Variants in ZNRF1 observed in about 807,000 individuals in gnomAD.
ZNRF1 encodes E3 ubiquitin-protein ligase ZNRF1.
In ZNRF1, 3 loss-of-function variants were observed where a neutral mutation model predicts 18.4. That is an observed-to-expected ratio of 0.16 (90% CI 0.07 to 0.42). ZNRF1 has a LOEUF of 0.42. Ranked by LOEUF, ZNRF1 falls within the 10% of genes least tolerant of loss-of-function variation. The pLI is 0.99. For missense variants in ZNRF1, 310 were observed against 329.8 expected, an observed-to-expected ratio of 0.94 and a Z score of 0.47; for synonymous variants, 157 against 144.2, an observed-to-expected ratio of 1.09 and a Z score of -0.64.
intron 1 of ZNRF1, among the ~76,000 whole-genome samples, chr16:75,005,887 G>T (rs1031397749): frequency 6.6e-6 from 1 of 152,090 alleles, no homozygotes; most frequent in South Asian, 2.1e-4. Context: ...TTGTCACTGG[G>T]CAAACATCAT....
chr16:75,096,060 A>ATG (rs1567494278), intron 2 of ZNRF1, among the ~76,000 whole-genome samples: 1 of 86,054 alleles, frequency 1.2e-5, no homozygotes, highest in Admixed American at 1.2e-4. Flanking sequence ...GTATGTGTGC[A>ATG]CGTGTGTGTG....
chr16:75,029,770 GAACA>G lies in ZNRF1; in HGVS notation c.424+29686_424+29689del, dbSNP rs201518425. On this transcript the variant is annotated intron_variant, in intron 1 of 4. Transcript: ENST00000335325. ...GGTAACAGAGCGAGACTCCATCTCA[GAACA>G]AACAAACAAAAAATTTATTGAGGCT... 5.1e-3 allele frequency among the ~76,000 whole-genome samples: 758 copies of G among 149,484 alleles called. 17 individuals are homozygous for G. The highest frequency in any genetic ancestry group is 0.048 in the East Asian group (239 of 5,018).
rs1411466327 is a variant in ZNRF1 at position 75,109,973 on chromosome 16, C to T, written c.*2273C>T. 1 of 152,396 alleles carries T rather than the reference C, an allele frequency of 6.6e-6. No homozygotes were observed. Among genetic ancestry groups the T allele is most frequent in the Non-Finnish European group, 1.5e-5 (1 of 68,150 alleles). The allele number at this position is 152,396 out of a possible 1,614,324, so 9.4% of individuals were successfully genotyped here. A position where few individuals can be genotyped will look rare whatever the true frequency, so the allele number is the denominator to read the frequency against. On this transcript the variant is annotated 3_prime_UTR_variant, in exon 5 of 5. Coordinates refer to ENST00000335325, the MANE Select transcript of ZNRF1 (RefSeq NM_032268.5). ...CCTGAAGGAGATCTCCTTGCCTGAC[C>T]CCTGGACCTGGAAATGGAGGCTTCA...
chr16:75,085,223 A>G (rs560984602), intron 1 of ZNRF1, among the ~76,000 whole-genome samples: 33 of 152,224 alleles, frequency 2.2e-4, no homozygotes, highest in African/African-American at 6.7e-4. Context: ...CCTGGAGACA[A>G]CCACTGTTCT....
At chr16:75,057,181 G>A (rs536017227) in intron 1 of ZNRF1, among the ~76,000 whole-genome samples, 2 of 152,148 alleles carry the variant, frequency 1.3e-5, no homozygotes, top group African/African-American at 2.4e-5. Context: ...CCACCCTGCC[G>A]TCCTGCTGCA....
chr16:75,048,089 A>G (rs1486187999), intron 1 of ZNRF1, among the ~76,000 whole-genome samples: 1 of 151,998 alleles, frequency 6.6e-6, no homozygotes, highest in Admixed American at 6.6e-5. Flanking sequence ...AGTAGCTGGA[A>G]CTACAGGCAC....
rs1400156606 is a variant in ZNRF1 at position 75,108,612 on chromosome 16, A to C, written c.*912A>C. On this transcript the variant is annotated 3_prime_UTR_variant, in exon 5 of 5. Coordinates refer to ENST00000335325, the MANE Select transcript of ZNRF1 (RefSeq NM_032268.5). ...TTTATATATTAAAATACAAAAAAAA[A>C]CTTATAAAATGTTTAAAAAAATGTT... is the stretch of plus-strand genomic sequence containing the variant. 3 of 398,790 alleles carry C rather than the reference A, an allele frequency of 7.5e-6. No homozygotes were observed. The highest frequency in any genetic ancestry group is 1.3e-4 in the South Asian group (1 of 7,862). 24.7% of individuals were successfully genotyped at this position (398,790 alleles called of 1,614,324 possible).
chr16:75,032,320 G>A (rs891891958), intron 1 of ZNRF1, among the ~76,000 whole-genome samples: 1 of 151,746 alleles, frequency 6.6e-6, no homozygotes, highest in South Asian at 2.1e-4. Flanking sequence ...TGTTGGCCAG[G>A]CTGGTCTTGA....
chr16:75,004,361 C>G (rs1171410899), intron 1 of ZNRF1, among the ~76,000 whole-genome samples: 2 of 152,130 alleles, frequency 1.3e-5, no homozygotes, highest in South Asian at 2.1e-4. Flanking sequence ...CCTGGTCATT[C>G]TCTTTCGGTA....
intron 1 of ZNRF1, among the ~76,000 whole-genome samples, chr16:75,008,079 A>AT (rs2034946261): frequency 1.3e-5 from 2 of 151,556 alleles, no homozygotes; most frequent in Admixed American, 1.3e-4. Flanking sequence ...GGGTCTCACC[A>AT]TGTTGCCCAG....
intron 2 of ZNRF1, among the ~76,000 whole-genome samples, chr16:75,098,628 C>T (rs1416407413): frequency 6.6e-6 from 1 of 152,114 alleles, no homozygotes; most frequent in Non-Finnish European, 1.5e-5. Context: ...GGCAGCAGGA[C>T]CAGGCACTCC....
rs899786592 is a variant in ZNRF1 at position 75,089,839 on chromosome 16, A to G, written c.425-3733A>G. ...TTCCTAGTACCTTAGCTGTAACTCA[A>G]CTCCCCTCCTGCACTCAAGGAATCA... On this transcript the variant is annotated intron_variant, in intron 1 of 4. Coordinates refer to ENST00000335325, the MANE Select transcript of ZNRF1 (RefSeq NM_032268.5). Among the ~76,000 whole-genome samples the G allele has an allele frequency of 2.4e-4, 36 of 151,354 alleles. 1 individual carries two copies. The highest frequency in any genetic ancestry group is 5.9e-5 in the Non-Finnish European group (4 of 67,818).
At chr16:75,084,632 A>G (rs1186759750) in intron 1 of ZNRF1, 1 of 152,216 alleles carries the variant, frequency 6.6e-6, no homozygotes, top group African/African-American at 2.4e-5. Flanking sequence ...TCAGAATGAA[A>G]GAAAGGTATT....
chr16:75,042,332 T>C (rs1036342250), intron 1 of ZNRF1, among the ~76,000 whole-genome samples: 1 of 152,138 alleles, frequency 6.6e-6, no homozygotes, highest in Non-Finnish European at 1.5e-5. Flanking sequence ...GTTACAAAAA[T>C]TTCTCCTATT....
chr16:75,062,080 A>G (rs1454016316), intron 1 of ZNRF1, among the ~76,000 whole-genome samples: 1 of 152,206 alleles, frequency 6.6e-6, no homozygotes, highest in African/African-American at 2.4e-5. Flanking sequence ...TTGTTATGCT[A>G]CGAGATCTAA....
chr16:75,073,056 A>T (rs1262715049), intron 1 of ZNRF1, among the ~76,000 whole-genome samples: 3 of 151,616 alleles, frequency 2.0e-5, no homozygotes, highest in Non-Finnish European at 4.4e-5. Context: ...TGGGAGGCCA[A>T]GGTGGGAGGA....
intron 1 of ZNRF1, among the ~76,000 whole-genome samples, chr16:75,012,777 C>T (rs780989814): frequency 4.6e-5 from 7 of 152,098 alleles, no homozygotes; most frequent in Non-Finnish European, 1.0e-4. Context: ...AAGCTACAGA[C>T]GGGAAGGGCT....
chr16:75,110,298 C>G lies in ZNRF1; in HGVS notation c.*2598C>G, dbSNP rs1310013926. On this transcript the variant is annotated 3_prime_UTR_variant, in exon 5 of 5. Coordinates refer to ENST00000335325, the MANE Select transcript of ZNRF1 (RefSeq NM_032268.5). The stretch of plus-strand genomic sequence containing the variant: ...TTTGTGATCCTCTATCTGGACAGCT[C>G]TCCAGAATCCTGTGTTGCCCCTGTT... The G allele has an allele frequency of 1.3e-5, 2 of 152,334 alleles. No individual in the cohort carries two copies. The highest frequency in any genetic ancestry group is 2.9e-5 in the Non-Finnish European group (2 of 68,116). 9.4% of individuals were successfully genotyped at this position (152,334 alleles called of 1,614,324 possible).
At chr16:75,099,820 A>G (rs976122155) in intron 2 of ZNRF1, among the ~76,000 whole-genome samples, 3 of 152,142 alleles carry the variant, frequency 2.0e-5, no homozygotes, top group Non-Finnish European at 1.5e-5. Context: ...TTCGTGTCAG[A>G]TGCTTCTGGA....
Sources: allele counts gnomAD v4.1 joint callset (sites outside exome capture counted in the v4.1 genomes callset), GRCh38; gene constraint gnomAD v4.1.1; transcripts MANE v1.5; gene names NCBI Gene and HGNC (gene_info 2026-07-23, HGNC 2026-07-21).